JUP: variants seen among roughly 807,000 people sequenced by gnomAD.
JUP encodes the protein catenin (cadherin-associated protein), gamma 80kDa.
Under a neutral mutation model 71.1 loss-of-function variants are expected in JUP, and 28 were observed. The ratio of observed to expected loss-of-function variants is 0.39; its 90% confidence interval spans 0.29 to 0.54. The LOEUF (loss-of-function observed/expected upper bound fraction) is 0.54. JUP is among the 20% of genes least tolerant of loss of function. JUP has a pLI of 0.62. For synonymous variants in JUP, 401 were observed against 438.9 expected, an observed-to-expected ratio of 0.91 and a Z score of 1.08; for missense variants, 869 against 1,030.1, an observed-to-expected ratio of 0.84 and a Z score of 2.14.
Position 41,763,121 on chromosome 17 carries a change from C to A in JUP, c.1359G>T (p.Glu453Asp), listed in dbSNP as rs376608339. ...GGTGGCGCAGAGCGCAGACGGCAGG[C>A]TCCGTGATGTCGTCCTTGTCACCAG... ...LRAGDKDDIT[E>D]PAVCALRHLT... is the part of the protein sequence containing the mutation. Residue 453 changes from glutamate (E) to aspartate (D), a missense_variant, in exon 8 of 14, where the codon GAG becomes GAT. Glu to Asp is a conservative substitution (Grantham distance 45, BLOSUM62 2). Coordinates refer to ENST00000393931, the MANE Select transcript of JUP (RefSeq NM_002230.4). 28 of 1,614,172 alleles carry A rather than the reference C, an allele frequency of 1.7e-5. No homozygotes were observed. Among genetic ancestry groups the A allele is most frequent in the Non-Finnish European group, 2.1e-5 (25 of 1,180,022 alleles).
chr17:41,757,771 G>A lies in JUP; in HGVS notation c.1787C>T (p.Ser596Leu), dbSNP rs940226194. The change falls in exon 11 of 14, where the codon TCG becomes TTG. Residue 596 changes from serine to leucine, a missense_variant. Transcript: ENST00000393931. ...IPLFVQLLYS[S>L]VENIQRVAAG... ...AGCCACGCGCTGGATGTTCTCCACC[G>A]ACGAGTACAGGAGCTGGGGAGAGGG... The A allele has an allele frequency of 7.5e-6, 12 of 1,610,614 alleles. No homozygotes were observed. Among genetic ancestry groups the A allele is most frequent in the East Asian group, 2.2e-5 (1 of 44,846 alleles).
At chr17:41,770,995 CCT>C (rs1916560470) in intron 2 of JUP, among the ~76,000 whole-genome samples, 1 of 152,230 alleles carries the variant, frequency 6.6e-6, no homozygotes, top group African/African-American at 2.4e-5. Flanking sequence ...CCATGGGCTC[CCT>C]GAGAGCCATA....
intron 1 of JUP, among the ~76,000 whole-genome samples, chr17:41,774,946 T>C (rs1917217873): frequency 6.6e-6 from 1 of 151,528 alleles, no homozygotes; most frequent in African/African-American, 2.4e-5. Flanking sequence ...ACTAAAAAAG[T>C]ACAAAAATTA....
intron 12 of JUP, 47 bp downstream of exon 12, chr17:41,757,368 G>A (rs1597780240): frequency 9.3e-6 from 15 of 1,612,070 alleles, no homozygotes; most frequent in Non-Finnish European, 1.3e-5. Flanking sequence ...CATGGGCAGT[G>A]CCCAACTTGC....
intron 1 of JUP, among the ~76,000 whole-genome samples, chr17:41,774,705 G>A (rs985880595): frequency 6.6e-6 from 1 of 152,188 alleles, no homozygotes; most frequent in Non-Finnish European, 1.5e-5. Flanking sequence ...GGTAGGAACA[G>A]CATCCAGTCC....
intron 12 of JUP, among the ~76,000 whole-genome samples, chr17:41,756,727 G>A (rs533638549): frequency 1.3e-5 from 2 of 152,088 alleles, no homozygotes; most frequent in East Asian, 1.9e-4. Context: ...TGGCGAAACC[G>A]CGTCTCTACT....
chr17:41,764,005 A>G (rs7406225), intron 7 of JUP, among the ~76,000 whole-genome samples: 94,483 of 151,942 alleles, frequency 0.62, 30,541 homozygotes, highest in Non-Finnish European at 0.73. Context: ...TCTAACCCAC[A>G]GGGTCCCACA....
rs782462560 is a variant in JUP, at chr17:41,755,706, A to C, written c.*38T>G. ...AGAAGGAGGTTCTAGAGAGGAGGAA[A>C]AGCCTGCAAAGAGGGGGCCGTACTG... is the stretch of plus-strand genomic sequence containing the variant. On this transcript the variant is annotated 3_prime_UTR_variant, in exon 14 of 14. Coordinates refer to ENST00000393931, the MANE Select transcript of JUP (RefSeq NM_002230.4). The C allele has an allele frequency of 9.2e-6, 14 of 1,521,082 alleles. No homozygotes were observed. The South Asian group carries it at 1.8e-4, about 20-fold the overall frequency. The allele number at this position is 1,521,082 out of a possible 1,614,324, so 94.2% of individuals were successfully genotyped here. A position where few individuals can be genotyped will look rare whatever the true frequency, so the allele number is the denominator to read the frequency against.
chr17:41,767,309 C>T, intron 5 of JUP, 70 bp downstream of exon 5: 2 of 1,356,122 alleles, frequency 1.5e-6, no homozygotes, highest in Non-Finnish European at 2.1e-6. Context: ...GGCAGCGGCC[C>T]AAGGCTGTGC....
At chr17:41,765,101 C>G (rs782082557) in intron 5 of JUP, 34 bp from the exon 6 acceptor site, 1 of 1,608,224 alleles carries the variant, frequency 6.2e-7, no homozygotes, top group African/African-American at 1.3e-5. Context: ...GTGAGATGGA[C>G]GGGGAATATG....
chr17:41,756,150 C>T (rs1555597686), intron 13 of JUP, 25 bp downstream of exon 13: 1 of 1,611,836 alleles, frequency 6.2e-7, no homozygotes, highest in East Asian at 2.2e-5. Context: ...TCTCCAGGGT[C>T]CTGAAGAGCC....
chr17:41,758,869 G>C lies in JUP; in HGVS notation c.1499C>G (p.Ala500Gly). 6.2e-7 allele frequency: 1 copy of C among 1,602,948 alleles called. No individual in the cohort carries two copies. Among genetic ancestry groups the C allele is most frequent in the Non-Finnish European group, 8.5e-7 (1 of 1,173,486 alleles). ...CAGATTCCTGATCAAGCCGATGGTT[G>C]CCTGGCAAAAAAAGGGGCAGTGATC... Reference protein sequence around the residue: ...NQPNQWPLVKATIGLIRNLAL... With the variant: ...NQPNQWPLVKGTIGLIRNLAL... Residue 500 changes from alanine to glycine, a missense_variant and splice_region_variant, in exon 9 of 14, where the codon GCA (alanine) becomes GGA (glycine). Ala to Gly is a moderately conservative substitution (Grantham distance 60). Transcript: ENST00000393931.
At position 41,767,362 on chromosome 17, in the gene JUP, A is replaced by G. The variant is rs12942034; in HGVS notation, c.909+17T>C. The G allele has an allele frequency of 0.8, 1,292,029 of 1,611,860 alleles. 522,337 individuals are homozygous for G. Among genetic ancestry groups the G allele is most frequent in the African/African-American group, 0.89 (66,597 of 75,000 alleles). On this transcript the variant is annotated intron_variant, in intron 5 of 13. Transcript: ENST00000393931. ...AAGGGTGGGCTTCAGGCCTCGGGAG[A>G]GTTGGGGAGGGCCCACCTTGCTCTC...
In JUP at chr17:41,758,865, G is replaced by T. The variant is rs1298380226; in HGVS notation, c.1503C>A (p.Thr501=). 1 of 1,606,514 alleles carries T rather than the reference G, an allele frequency of 6.2e-7. No individual in the cohort carries two copies. Among genetic ancestry groups the T allele is most frequent in the African/African-American group, 1.3e-5 (1 of 74,806 alleles). Residue 501 remains threonine (T), a synonymous_variant, in exon 9 of 14, where the codon ACC becomes ACA. Coordinates refer to ENST00000393931, the MANE Select transcript of JUP (RefSeq NM_002230.4). ...GGGCCAGATTCCTGATCAAGCCGAT[G>T]GTTGCCTGGCAAAAAAAGGGGCAGT... ...QPNQWPLVKA[T]IGLIRNLALC...
chr17:41,772,823 G>A, intron 1 of JUP: 2 of 985,486 alleles, frequency 2.0e-6, no homozygotes, highest in Non-Finnish European at 1.2e-6. Flanking sequence ...CGCACCTGAA[G>A]GTTAATGAGT....
At position 41,767,592 on chromosome 17, in the gene JUP, G is replaced by A; in HGVS notation, c.708-12C>T. 1 of 1,569,264 alleles carries A rather than the reference G, an allele frequency of 6.4e-7. No individual in the cohort carries two copies. Among genetic ancestry groups the A allele is most frequent in the Non-Finnish European group, 8.8e-7 (1 of 1,142,652 alleles). The stretch of plus-strand genomic sequence containing the variant: ...ACTCCACAGGGGAGCTGGGGGGGTG[G>A]GCAGGGGTTAGTACGCTGAGGTCCC... On this transcript the variant is annotated splice_polypyrimidine_tract_variant and intron_variant, in intron 4 of 13. Transcript: ENST00000393931.
chr17:41,759,939 C>T (rs184056955), intron 8 of JUP, among the ~76,000 whole-genome samples: 249 of 151,880 alleles, frequency 1.6e-3, no homozygotes, highest in African/African-American at 4.7e-3. Flanking sequence ...ATAGGCCGGG[C>T]GCAGTGGCTC....
In JUP at chr17:41,755,868, T is replaced by G; in HGVS notation, c.2114A>C (p.Tyr705Ser). 1 of 1,611,024 alleles carries G rather than the reference T, an allele frequency of 6.2e-7. No individual in the cohort carries two copies. The highest frequency in any genetic ancestry group is 2.2e-5 in the East Asian group (1 of 44,728). ...DDMDATYRPM[Y>S]SSDVPLDPLE... The stretch of plus-strand genomic sequence containing the variant: ...CGGGTCAAGGGGCACATCGCTGGAG[T>G]ACATGGGGCGGTAGGTGGCATCCAT... The change falls in exon 14 of 14, where the codon TAC (tyrosine) becomes TCC (serine). Residue 705 changes from tyrosine to serine, a missense_variant. Tyr to Ser is a moderately radical substitution (Grantham distance 144). Transcript: ENST00000393931.
intron 1 of JUP, among the ~76,000 whole-genome samples, chr17:41,779,568 T>C (rs2047062935): frequency 6.6e-6 from 1 of 152,122 alleles, no homozygotes; most frequent in African/African-American, 2.4e-5. Flanking sequence ...GACCTCGTGA[T>C]GCGCCCGCCT....
Sources: allele counts gnomAD v4.1 joint callset (sites outside exome capture counted in the v4.1 genomes callset), GRCh38; gene constraint gnomAD v4.1.1; transcripts MANE v1.5; gene names NCBI Gene and HGNC (gene_info 2026-07-23, HGNC 2026-07-21).